XIRP2: variants seen among roughly 807,000 people sequenced by gnomAD.
XIRP2 encodes the protein xin actin-binding repeat-containing protein 2.
Under a neutral mutation model 277.0 loss-of-function variants are expected in XIRP2, and 236 were observed. The ratio of observed to expected loss-of-function variants is 0.85; its 90% CI spans 0.77 to 0.95. XIRP2 has a LOEUF of 0.95. Among genes scored for constraint, XIRP2 ranks in the 40% least tolerant of loss-of-function variants. The pLI is 0.00. For missense variants in XIRP2, 4,640 were observed against 4,157.5 expected, an observed-to-expected ratio of 1.12 and a Z score of -3.19; for synonymous variants, 1,490 against 1,416.5, an observed-to-expected ratio of 1.05 and a Z score of -1.17.
chr2:167,054,774 G>A (rs1490077372), intron 2 of XIRP2, among the ~76,000 whole-genome samples: 6 of 151,818 alleles, frequency 4.0e-5, no homozygotes, highest in Non-Finnish European at 2.9e-5. Flanking sequence ...TAATTGGGAA[G>A]ACAGGCACAC....
chr2:167,256,075 A>G (rs1430717647), intron 10 of XIRP2, among the ~76,000 whole-genome samples: 1 of 151,628 alleles, frequency 6.6e-6, no homozygotes, highest in East Asian at 1.9e-4. Flanking sequence ...CAATTTTACT[A>G]GATTAGTTCT....
chr2:166,988,169 C>A (rs959707467), intron 2 of XIRP2, among the ~76,000 whole-genome samples: 1 of 152,114 alleles, frequency 6.6e-6, no homozygotes, highest in African/African-American at 2.4e-5. Flanking sequence ...TCAAGCACCC[C>A]CTACTCTAAT....
intron 2 of XIRP2, among the ~76,000 whole-genome samples, chr2:167,036,430 C>A (rs1012231097): frequency 7.9e-5 from 12 of 152,128 alleles, no homozygotes; most frequent in African/African-American, 2.9e-4. Context: ...AATTTGACTG[C>A]CTCACTGGAT....
intron 2 of XIRP2, among the ~76,000 whole-genome samples, chr2:167,075,689 TG>T (rs1689547064): frequency 2.0e-5 from 3 of 152,196 alleles, no homozygotes; most frequent in African/African-American, 7.2e-5. Context: ...TCACCCAGGC[TG>T]GAGGGCAATG....
rs1559042208 is a variant in XIRP2, at chr2:167,247,840, A to G, written c.6448A>G (p.Ile2150Val). 3.1e-6 allele frequency: 5 copies of G among 1,613,538 alleles called. No individual in the cohort carries two copies. Among genetic ancestry groups the G allele is most frequent in the Middle Eastern group, 1.7e-4 (1 of 6,056 alleles). The change falls in exon 9 of 11, where the codon ATT becomes GTT. Residue 2150 changes from isoleucine (I) to valine (V), a missense_variant. By Grantham distance (29) the Ile-to-Val change is conservative. Coordinates refer to ENST00000409195, the MANE Select transcript of XIRP2 (RefSeq NM_152381.6). ...HIKSPKKTKNIKILTDTQSSK... is the reference protein window; with the variant it reads ...HIKSPKKTKNVKILTDTQSSK... ...AAAGAGTCCTAAAAAGACCAAAAAT[A>G]TTAAAATATTAACTGATACACAAAG...
At chr2:166,939,616 C>G (rs915059537) in intron 2 of XIRP2, among the ~76,000 whole-genome samples, 1 of 132,928 alleles carries the variant, frequency 7.5e-6, no homozygotes, top group Non-Finnish European at 1.5e-5. Context: ...GGAGGTGGAG[C>G]TTTCAGTGAG....
At position 167,250,107 on chromosome 2, in the gene XIRP2, A is replaced by C. The variant is rs768731520; in HGVS notation, c.8715A>C (p.Gln2905His). ...AATGTCTCGAAGTCAAGGGCATACA[A>C]GAGAAACAAGTCTTCTCTAATACTA... ...EEKCLEVKGI[Q>H]EKQVFSNTKD... Residue 2905 changes from glutamine (Q) to histidine (H), a missense_variant, in exon 9 of 11, where the codon CAA becomes CAC. Physicochemically the swap from Gln to His is conservative, Grantham distance 24. Transcript: ENST00000409195. The C allele has an allele frequency of 6.2e-7, 1 of 1,613,278 alleles. No individual in the cohort carries two copies. Among genetic ancestry groups the C allele is most frequent in the African/African-American group, 1.3e-5 (1 of 74,814 alleles).
chr2:166,903,808 G>T lies in XIRP2; in HGVS notation c.326G>T (p.Arg109Leu), dbSNP rs111792328. Residue 109 changes from arginine to leucine, a missense_variant, in exon 2 of 11, where the codon CGC becomes CTC. Physicochemically the swap from Arg to Leu is moderately radical, Grantham distance 102. Transcript: ENST00000409195. ...DSLSSRRRIE[R>L]FSIALDELRS... ...CTGAGCAGTCGGCGCAGGATTGAAC[G>T]CTTTTCCATTGCCCTTGATGAGCTG... 4.3e-6 allele frequency: 7 copies of T among 1,613,582 alleles called. No individual in the cohort carries two copies. Among genetic ancestry groups the T allele is most frequent in the African/African-American group, 1.3e-5 (1 of 74,880 alleles).
Position 166,983,324 on chromosome 2 carries a change from A to G in XIRP2, c.408+79434A>G, listed in dbSNP as rs576510278. 2.0e-5 allele frequency among the ~76,000 whole-genome samples: 3 copies of G among 152,138 alleles called. 1 individual carries two copies. Among genetic ancestry groups the G allele is most frequent in the African/African-American group, 7.2e-5 (3 of 41,548 alleles). ...ACATGTGATTGTTTTGATAGATTATATTTCTTTCCCAAGTTTTTGTTTCTT... is the reference window on the plus strand; with the variant it reads ...ACATGTGATTGTTTTGATAGATTATGTTTCTTTCCCAAGTTTTTGTTTCTT... On this transcript the variant is annotated intron_variant, in intron 2 of 10. Transcript: ENST00000409195.
intron 2 of XIRP2, among the ~76,000 whole-genome samples, chr2:167,074,972 G>A (rs908997514): frequency 2.0e-5 from 3 of 152,088 alleles, no homozygotes; most frequent in Non-Finnish European, 2.9e-5. Context: ...AATTCAATAA[G>A]TGATCTTGGA....
Position 167,057,968 on chromosome 2 carries a change from T to C in XIRP2, c.409-77941T>C, listed in dbSNP as rs555427909. ...GAACTTCTAAGAAGTTTGAGTAGTCTAGTTTGTCTGAGGGTAGGGCTTCCC... is the reference window on the plus strand; with the variant it reads ...GAACTTCTAAGAAGTTTGAGTAGTCCAGTTTGTCTGAGGGTAGGGCTTCCC... On this transcript the variant is annotated intron_variant, in intron 2 of 10. Coordinates refer to ENST00000409195, the MANE Select transcript of XIRP2 (RefSeq NM_152381.6). Among the ~76,000 whole-genome samples, 61 of 152,072 alleles carry C rather than the reference T, an allele frequency of 4.0e-4. 2 individuals are homozygous for C. The South Asian group carries it at 0.012, about 31-fold the overall frequency.
chr2:167,154,664 C>T (rs1432051653), intron 3 of XIRP2, among the ~76,000 whole-genome samples: 1 of 151,790 alleles, frequency 6.6e-6, no homozygotes, highest in Non-Finnish European at 1.5e-5. Flanking sequence ...AAATTGACAC[C>T]CTAACATCAC....
chr2:167,177,246 G>C (rs1163507659), intron 3 of XIRP2, among the ~76,000 whole-genome samples: 1 of 152,128 alleles, frequency 6.6e-6, no homozygotes, highest in Non-Finnish European at 1.5e-5. Context: ...CTCATAGATA[G>C]AGCTTATCAT....
chr2:167,248,309 T>C lies in XIRP2; in HGVS notation c.6917T>C (p.Ile2306Thr). The C allele has an allele frequency of 1.2e-6, 2 of 1,613,692 alleles. No homozygotes were observed. The highest frequency in any genetic ancestry group is 2.2e-5 in the East Asian group (1 of 44,838). Residue 2306 changes from isoleucine to threonine, a missense_variant, in exon 9 of 11, where the codon ATT becomes ACT. Coordinates refer to ENST00000409195, the MANE Select transcript of XIRP2 (RefSeq NM_152381.6). ...PPPPSNASSE[I>T]EFPLPPPPPL... The stretch of plus-strand genomic sequence containing the variant: ...CCACCTTCTAATGCATCATCTGAAA[T>C]TGAATTTCCTCTTCCTCCTCCACCT...
intron 2 of XIRP2, among the ~76,000 whole-genome samples, chr2:166,980,165 C>A (rs1686828282): frequency 6.6e-6 from 1 of 152,060 alleles, no homozygotes; most frequent in Non-Finnish European, 1.5e-5. Context: ...TTTTAATATA[C>A]ATAGCTTCTT....
At chr2:166,998,430 G>T (rs1262387693) in intron 2 of XIRP2, among the ~76,000 whole-genome samples, 2 of 152,072 alleles carry the variant, frequency 1.3e-5, no homozygotes, top group African/African-American at 4.8e-5. Flanking sequence ...AAGGTCAGGA[G>T]ATCGAGACCA....
intron 2 of XIRP2, among the ~76,000 whole-genome samples, chr2:167,075,923 G>A (rs375870516): frequency 2.6e-5 from 4 of 151,582 alleles, no homozygotes; most frequent in South Asian, 2.1e-4. Flanking sequence ...TGATCCGCTC[G>A]CCTCGGCCTC....
intron 2 of XIRP2, among the ~76,000 whole-genome samples, chr2:167,025,586 G>A (rs199617717): frequency 0.03 from 4,562 of 151,688 alleles, 79 homozygotes; most frequent in East Asian, 0.083. Flanking sequence ...TCTCTTGTGG[G>A]CATTTAGTGC....
At chr2:166,980,710 G>A (rs1466209176) in intron 2 of XIRP2, among the ~76,000 whole-genome samples, 1 of 152,072 alleles carries the variant, frequency 6.6e-6, no homozygotes, top group Non-Finnish European at 1.5e-5. Flanking sequence ...GAGCCACCAT[G>A]CCCAGTCACT....
Sources: gnomAD v4.1 joint callset for allele counts (sites outside exome capture counted in the v4.1 genomes callset) on GRCh38, gnomAD v4.1.1 for gene constraint, MANE v1.5 for transcripts, NCBI Gene and HGNC (gene_info 2026-07-23, HGNC 2026-07-21) for gene names.